GARNL3: variants seen among roughly 807,000 people sequenced by gnomAD.
The protein encoded by GARNL3 is GTPase-activating Rap/Ran-GAP domain-like protein 3.
In GARNL3, 63 loss-of-function variants were observed where a neutral mutation model predicts 125.0. The observed-to-expected ratio is 0.50, with a 90% CI of 0.41 to 0.62. The LOEUF (loss-of-function observed/expected upper bound fraction) is 0.62, where lower values mean the gene tolerates loss of function less well. GARNL3 is among the 20% of genes least tolerant of loss of function. The pLI is 0.00. For synonymous variants in GARNL3, 439 were observed against 457.5 expected (o/e 0.96, Z 0.52); for missense variants, 994 against 1,244.0 (o/e 0.80, Z 3.02).
intron 22 of GARNL3, among the ~76,000 whole-genome samples, chr9:127,372,793 CAG>C (rs1286116116): frequency 1.3e-5 from 2 of 152,182 alleles, no homozygotes; most frequent in Non-Finnish European, 2.9e-5. Flanking sequence ...ATGCAAGAAA[CAG>C]AGAAGTACCA....
chr9:127,369,656 GC>G (rs1162798444), intron 22 of GARNL3, among the ~76,000 whole-genome samples: 1 of 152,248 alleles, frequency 6.6e-6, no homozygotes, highest in Non-Finnish European at 1.5e-5. Context: ...TCTCTGGAAA[GC>G]AGGGGGAGCA....
intron 2 of GARNL3, among the ~76,000 whole-genome samples, chr9:127,246,988 G>A (rs2063316829): frequency 6.8e-6 from 1 of 146,478 alleles, no homozygotes. Context: ...GGGGAGGAGA[G>A]GATTCTAGAT....
At chr9:127,334,895 T>C (rs984334956) in intron 9 of GARNL3, among the ~76,000 whole-genome samples, 4 of 152,174 alleles carry the variant, frequency 2.6e-5, no homozygotes, top group Non-Finnish European at 5.9e-5. Context: ...GACATAATTG[T>C]TTGTGTCATC....
chr9:127,328,354 A>G (rs1318048380), intron 7 of GARNL3, among the ~76,000 whole-genome samples: 1 of 152,176 alleles, frequency 6.6e-6, no homozygotes, highest in East Asian at 1.9e-4. Context: ...GCTGCTTCTC[A>G]ACTGGGATAA....
At chr9:127,325,219 A>T in intron 7 of GARNL3, 124 bp downstream of exon 7, 1 of 892,576 alleles carries the variant, frequency 1.1e-6, no homozygotes, top group Non-Finnish European at 1.8e-6. Flanking sequence ...GCACAGTGGG[A>T]CACATTGCGC....
intron 22 of GARNL3, among the ~76,000 whole-genome samples, chr9:127,369,922 A>C (rs1588951090): frequency 6.6e-6 from 1 of 152,160 alleles, no homozygotes; most frequent in East Asian, 1.9e-4. Flanking sequence ...CATCTGTGGA[A>C]GCCATCAGGA....
intron 3 of GARNL3, 29 bp from the exon 4 acceptor site, chr9:127,313,412 T>C: frequency 6.6e-7 from 1 of 1,507,508 alleles, no homozygotes; most frequent in Non-Finnish European, 9.2e-7. Context: ...TCAGTTGCAT[T>C]CTCACTGTTC....
intron 1 of GARNL3, among the ~76,000 whole-genome samples, chr9:127,275,422 T>A (rs1026915808): frequency 1.3e-5 from 2 of 152,236 alleles, no homozygotes; most frequent in African/African-American, 2.4e-5. Flanking sequence ...AGAACAAGTT[T>A]CCCTGGGGTT....
intron 7 of GARNL3, among the ~76,000 whole-genome samples, chr9:127,330,980 G>A (rs552662707): frequency 2.6e-5 from 4 of 152,072 alleles, no homozygotes; most frequent in Admixed American, 6.5e-5. Context: ...CCTGGCAATC[G>A]CCTTGACTTC....
chr9:127,276,342 C>G (rs1044082977), intron 1 of GARNL3, among the ~76,000 whole-genome samples: 2 of 152,024 alleles, frequency 1.3e-5, no homozygotes, highest in African/African-American at 4.8e-5. Context: ...TCCATACTAT[C>G]AGCTTTTCCT....
rs374095243 is a variant in GARNL3 at position 127,344,219 on chromosome 9, T to A, written c.1252-16T>A. The A allele has an allele frequency of 1.3e-6, 2 of 1,554,522 alleles. No individual in the cohort carries two copies. The highest frequency in any genetic ancestry group is 1.8e-6 in the Non-Finnish European group (2 of 1,135,680). On this transcript the variant is annotated splice_polypyrimidine_tract_variant and intron_variant, in intron 14 of 27. Coordinates refer to ENST00000373387, the MANE Select transcript of GARNL3 (RefSeq NM_032293.5). ...ACAACTGTTTGTGGAATTCATAACT[T>A]GTTTTTCTTTTTTAGAACATGCTTA...
At chr9:127,298,488 G>A (rs1483072445) in intron 2 of GARNL3, among the ~76,000 whole-genome samples, 1 of 152,030 alleles carries the variant, frequency 6.6e-6, no homozygotes, top group Non-Finnish European at 1.5e-5. Flanking sequence ...CTGCTTCCAG[G>A]TTTTCTTAGA....
At chr9:127,323,511 T>C (rs755239292) in intron 6 of GARNL3, among the ~76,000 whole-genome samples, 4 of 152,202 alleles carry the variant, frequency 2.6e-5, no homozygotes, top group Non-Finnish European at 4.4e-5. Flanking sequence ...AGGAGCAGCC[T>C]CTATTACCAG....
chr9:127,233,371 C>G (rs2063053945), intron 1 of GARNL3, among the ~76,000 whole-genome samples: 1 of 152,094 alleles, frequency 6.6e-6, no homozygotes, highest in South Asian at 2.1e-4. Context: ...CTGAAATCTT[C>G]CATTCACAGA....
intron 22 of GARNL3, among the ~76,000 whole-genome samples, chr9:127,376,404 G>A (rs903171557): frequency 5.9e-5 from 9 of 151,746 alleles, no homozygotes; most frequent in Non-Finnish European, 1.2e-4. Context: ...ATTTTTAGTG[G>A]AGACGGGGTT....
intron 1 of GARNL3, among the ~76,000 whole-genome samples, chr9:127,287,074 G>A (rs1220623139): frequency 2.6e-5 from 4 of 152,128 alleles, no homozygotes; most frequent in Non-Finnish European, 4.4e-5. Context: ...CTCCTAAAGG[G>A]CCTGGGTCCA....
chr9:127,389,921 TAAA>T (rs1169168184), intron 26 of GARNL3, among the ~76,000 whole-genome samples: 2 of 78,676 alleles, frequency 2.5e-5, no homozygotes, highest in Non-Finnish European at 2.4e-5. Flanking sequence ...ACCCTGTCTT[TAAA>T]AAAAAAAAAA....
At position 127,393,353 on chromosome 9, in the gene GARNL3, C is replaced by T; in HGVS notation, c.*99C>T. 8.7e-7 allele frequency: 1 copy of T among 1,147,200 alleles called. No homozygotes were observed. Among genetic ancestry groups the T allele is most frequent in the Non-Finnish European group, 1.2e-6 (1 of 801,238 alleles). 71.1% of individuals were successfully genotyped at this position (1,147,200 alleles called of 1,614,324 possible). ...TTCTCAACAAAATGTGGCTTTTAGC[C>T]TGTCAGTGATCTATTGGACCAAACC... On this transcript the variant is annotated 3_prime_UTR_variant, in exon 28 of 28. Coordinates refer to ENST00000373387, the MANE Select transcript of GARNL3 (RefSeq NM_032293.5).
At chr9:127,271,323 C>G (rs1588722292) in intron 1 of GARNL3, among the ~76,000 whole-genome samples, 1 of 150,350 alleles carries the variant, frequency 6.7e-6, no homozygotes, top group South Asian at 2.1e-4. Flanking sequence ...ATCTCTAGAA[C>G]CAAGCACAAT....
Sources: gnomAD v4.1 joint callset for allele counts (sites outside exome capture counted in the v4.1 genomes callset) on GRCh38, gnomAD v4.1.1 for gene constraint, MANE v1.5 for transcripts, NCBI Gene and HGNC (gene_info 2026-07-23, HGNC 2026-07-21) for gene names.